ZNF354B: variants seen among roughly 807,000 people sequenced by gnomAD.
ZNF354B encodes the protein zinc finger protein 354B.
ZNF354B carries 10 observed loss-of-function variants against 12.9 expected under a neutral mutation model. The observed-to-expected ratio is 0.77, with a 90% CI of 0.48 to 1.31. The LOEUF (loss-of-function observed/expected upper bound fraction) is 1.31, where lower values mean the gene tolerates loss of function less well. Ranked by LOEUF, ZNF354B falls within the 40% of genes most tolerant of loss-of-function variation. The pLI is 0.00. For missense variants in ZNF354B, 614 were observed against 711.7 expected, an observed-to-expected ratio of 0.86 and a Z score of 1.56; for synonymous variants, 260 against 243.7, an observed-to-expected ratio of 1.07 and a Z score of -0.62.
Position 178,882,858 on chromosome 5 carries a change from G to A in ZNF354B, c.406G>A (p.Asp136Asn), listed in dbSNP as rs1272370440. 1.9e-6 allele frequency: 3 copies of A among 1,604,520 alleles called. No homozygotes were observed. Among genetic ancestry groups the A allele is most frequent in the Middle Eastern group, 1.7e-4 (1 of 6,014 alleles). ...IYEEKLKKQQ[D>N]KNENLQIISV... Reference sequence around the variant, plus strand: ...TGAAGAGAAATTAAAGAAACAGCAGGACAAAAATGAAAATTTACAAATAAT... The same window carrying A: ...TGAAGAGAAATTAAAGAAACAGCAGAACAAAAATGAAAATTTACAAATAAT... The change falls in exon 5 of 5, where the codon GAC becomes AAC. Residue 136 changes from aspartate (D) to asparagine (N), a missense_variant. Transcript: ENST00000322434.
At chr5:178,877,838 T>C (rs1581815036) in intron 4 of ZNF354B, among the ~76,000 whole-genome samples, 2 of 152,304 alleles carry the variant, frequency 1.3e-5, no homozygotes, top group Admixed American at 6.5e-5. Flanking sequence ...TCATATAGTT[T>C]CCAGAGTTTC....
At chr5:178,866,942 T>C (rs11952790) in intron 3 of ZNF354B, 34 bp from the exon 4 acceptor site, 186,553 of 1,599,194 alleles carry the variant, frequency 0.12, 12,376 homozygotes, top group African/African-American at 0.26. Context: ...AAACGAAGAC[T>C]GAGACTTTTG....
At chr5:178,860,373 T>A (rs1164211542) in intron 1 of ZNF354B, among the ~76,000 whole-genome samples, 1 of 142,192 alleles carries the variant, frequency 7.0e-6, no homozygotes, top group Non-Finnish European at 1.6e-5. Flanking sequence ...GGGCCCACCC[T>A]GCGCGCGCCG....
At chr5:178,871,670 G>C (rs370106664) in intron 4 of ZNF354B, among the ~76,000 whole-genome samples, 14 of 152,278 alleles carry the variant, frequency 9.2e-5, no homozygotes, top group African/African-American at 3.4e-4. Flanking sequence ...CTAGGTTAGT[G>C]GTGTTGGAGA....
chr5:178,881,019 T>C (rs1034426638), intron 4 of ZNF354B, among the ~76,000 whole-genome samples: 1 of 151,736 alleles, frequency 6.6e-6, no homozygotes, highest in Admixed American at 6.6e-5. Flanking sequence ...ATTTTTGTTA[T>C]TTTTAGTAGA....
intron 4 of ZNF354B, among the ~76,000 whole-genome samples, chr5:178,882,146 CTG>C (rs1438853508): frequency 1.3e-5 from 2 of 152,128 alleles, no homozygotes; most frequent in Admixed American, 6.5e-5. Context: ...TGTTTATTGT[CTG>C]TGGTGCTGAA....
intron 4 of ZNF354B, among the ~76,000 whole-genome samples, chr5:178,870,163 GAAAA>G (rs1000545371): frequency 2.6e-5 from 4 of 151,718 alleles, no homozygotes; most frequent in Admixed American, 6.6e-5. Flanking sequence ...CTTTAAAAAA[GAAAA>G]AAAATATTTT....
chr5:178,873,874 G>T (rs908034248), intron 4 of ZNF354B, among the ~76,000 whole-genome samples: 1 of 150,856 alleles, frequency 6.6e-6, no homozygotes. Context: ...ATGATATGTC[G>T]TTCTATTTAT....
Position 178,867,087 on chromosome 5 carries a change from G to C in ZNF354B, c.256+16G>C, listed in dbSNP as rs184335445. ...TCCTCTCTAGGTAAGTGGGTGGCCC[G>C]AGGTGCTCGGGAATGGCCGCAGACA... On this transcript the variant is annotated intron_variant, in intron 4 of 4. Transcript: ENST00000322434. The C allele has an allele frequency of 2.5e-6, 4 of 1,607,114 alleles. No homozygotes were observed. In the African/African-American group the frequency reaches 4.0e-5, roughly 16 times the overall value.
intron 4 of ZNF354B, among the ~76,000 whole-genome samples, 169 bp downstream of exon 4, chr5:178,867,240 T>A (rs907026252): frequency 2.0e-5 from 3 of 152,174 alleles, no homozygotes; most frequent in African/African-American, 7.2e-5. Flanking sequence ...TTGTAATCAC[T>A]TCCCCATGAA....
rs76255208 is a variant in ZNF354B at position 178,870,008 on chromosome 5, C to T, written c.256+2937C>T. On this transcript the variant is annotated intron_variant, in intron 4 of 4. Transcript: ENST00000322434. The stretch of plus-strand genomic sequence containing the variant: ...TTATCTCAGATTATTAACTCTAGCT[C>T]GAACCAAAAACTCAACCTGTAGGCT... 2.5e-3 allele frequency among the ~76,000 whole-genome samples: 381 copies of T among 152,132 alleles called. 1 individual carries two copies. The highest frequency in any genetic ancestry group is 0.01 in the Middle Eastern group (3 of 294).
intron 4 of ZNF354B, among the ~76,000 whole-genome samples, chr5:178,872,947 C>T (rs1039272371): frequency 6.6e-6 from 1 of 152,046 alleles, no homozygotes; most frequent in Non-Finnish European, 1.5e-5. Flanking sequence ...CCACCACACC[C>T]AGCTAATTTT....
rs752512493 is a variant in ZNF354B at position 178,884,194 on chromosome 5, A to G, written c.1742A>G (p.Asn581Ser). The change falls in exon 5 of 5, where the codon AAT (asparagine) becomes AGT (serine). Residue 581 changes from asparagine (N) to serine (S), a missense_variant. Transcript: ENST00000322434. ...ACTGGAGAGAAACCCTATGAATGTAATGCATGTGGGAAACTCTTTAGCCAG... is the reference window on the plus strand; with the variant it reads ...ACTGGAGAGAAACCCTATGAATGTAGTGCATGTGGGAAACTCTTTAGCCAG... ...IHTGEKPYEC[N>S]ACGKLFSQRS... 5.6e-6 allele frequency: 9 copies of G among 1,613,998 alleles called. No individual in the cohort carries two copies. In the South Asian group the frequency reaches 7.7e-5, roughly 14 times the overall value.
At chr5:178,861,910 T>C (rs1036841457) in intron 2 of ZNF354B, among the ~76,000 whole-genome samples, 3 of 152,144 alleles carry the variant, frequency 2.0e-5, no homozygotes, top group African/African-American at 7.2e-5. Flanking sequence ...TGAGTTAGTG[T>C]GTGGAAAGTG....
At position 178,882,855 on chromosome 5, in the gene ZNF354B, C is replaced by G; in HGVS notation, c.403C>G (p.Gln135Glu). The change falls in exon 5 of 5, where the codon CAG becomes GAG. Residue 135 changes from glutamine to glutamate, a missense_variant. By Grantham distance (29) the Gln-to-Glu change is conservative (BLOSUM62 2). Transcript: ENST00000322434. ...ATATGAAGAGAAATTAAAGAAACAGCAGGACAAAAATGAAAATTTACAAAT... is the reference window on the plus strand; with the variant it reads ...ATATGAAGAGAAATTAAAGAAACAGGAGGACAAAAATGAAAATTTACAAAT... ...CIYEEKLKKQ[Q>E]DKNENLQIIS... is the part of the protein sequence containing the mutation. 6.2e-7 allele frequency: 1 copy of G among 1,606,730 alleles called. No homozygotes were observed. The highest frequency in any genetic ancestry group is 1.3e-5 in the African/African-American group (1 of 74,538).
intron 4 of ZNF354B, among the ~76,000 whole-genome samples, chr5:178,868,950 T>A (rs1581810450): frequency 7.0e-6 from 1 of 142,406 alleles, no homozygotes; most frequent in Non-Finnish European, 1.5e-5. Flanking sequence ...CCAGCCTTAG[T>A]GACAGAGCAA....
chr5:178,869,249 C>T (rs1184037616), intron 4 of ZNF354B, among the ~76,000 whole-genome samples: 6 of 152,138 alleles, frequency 3.9e-5, no homozygotes, highest in African/African-American at 4.8e-5. Flanking sequence ...ACGGGCCCAG[C>T]GAGGAGCTGC....
chr5:178,868,185 CAAGG>C (rs1757494091), intron 4 of ZNF354B, among the ~76,000 whole-genome samples: 3 of 151,098 alleles, frequency 2.0e-5, no homozygotes, highest in Admixed American at 6.6e-5. Context: ...GGCCGAGACT[CAAGG>C]GAGGTCAGGG....
At position 178,884,195 on chromosome 5, in the gene ZNF354B, T is replaced by C. The variant is rs1432602809; in HGVS notation, c.1743T>C (p.Asn581=). The C allele has an allele frequency of 6.2e-7, 1 of 1,614,008 alleles. No homozygotes were observed. Among genetic ancestry groups the C allele is most frequent in the Non-Finnish European group, 8.5e-7 (1 of 1,179,902 alleles). ...CTGGAGAGAAACCCTATGAATGTAA[T>C]GCATGTGGGAAACTCTTTAGCCAGA... is the stretch of plus-strand genomic sequence containing the variant. ...IHTGEKPYEC[N]ACGKLFSQRS... is the part of the protein sequence containing the mutation. Residue 581 remains asparagine, a synonymous_variant, in exon 5 of 5, where the codon AAT becomes AAC. Coordinates refer to ENST00000322434, the MANE Select transcript of ZNF354B (RefSeq NM_058230.3).
Sources: gnomAD v4.1 joint callset for allele counts (sites outside exome capture counted in the v4.1 genomes callset) on GRCh38, gnomAD v4.1.1 for gene constraint, MANE v1.5 for transcripts, NCBI Gene and HGNC (gene_info 2026-07-23, HGNC 2026-07-21) for gene names.